The following RBPJ variants were observed in gnomAD, a reference collection of about 807,000 sequenced individuals.
The protein encoded by RBPJ is recombination signal binding protein for immunoglobulin kappa J region.
RBPJ carries 9 observed loss-of-function variants against 67.8 expected under a neutral mutation model. That is an observed-to-expected ratio of 0.13 (90% CI 0.08 to 0.23). The LOEUF (loss-of-function observed/expected upper bound fraction) is 0.23, where lower values mean the gene tolerates loss of function less well. Among genes scored for constraint, RBPJ ranks in the 10% least tolerant of loss-of-function variants. The pLI is 1.00. For missense variants in RBPJ, 305 were observed against 595.6 expected (o/e 0.51, Z 5.08); for synonymous variants, 198 against 203.3 (o/e 0.97, Z 0.22).
At chr4:26,145,028 C>CTT in the RBPJ span, among the ~76,000 whole-genome samples, 2,541 of 146,660 alleles carry the variant, frequency 0.017, 83 homozygotes, top group African/African-American at 0.06. Context: ...TCTTCTTCTT[C>CTT]TTTTTTTTTT....
chr4:26,424,755 CT>C lies in RBPJ; in HGVS notation c.747+16del, dbSNP rs896722739. On this transcript the variant is annotated intron_variant, in intron 7 of 10. Transcript: ENST00000355476. The surrounding 1 kb of genome is among the most constrained non-coding windows in gnomAD (Gnocchi z 5.3). ...CACTCCCAAGATTGGTATGGCTCTA[CT>C]TTTGCTTTAGTGATAATGTGAAGTA... 10 of 1,493,504 alleles carry C rather than the reference CT, an allele frequency of 6.7e-6. No homozygotes were observed. The highest frequency in any genetic ancestry group is 9.2e-6 in the Non-Finnish European group (10 of 1,081,856). The allele number at this position is 1,493,504 out of a possible 1,614,324, so 92.5% of individuals were successfully genotyped here.
chr4:26,322,972 T>A (rs961659395), intron 1 of RBPJ: 2 of 151,478 alleles, frequency 1.3e-5, no homozygotes, highest in African/African-American at 4.9e-5. Flanking sequence ...ATAAAATCAT[T>A]TGGAGTGTCA....
upstream of RBPJ, among the ~76,000 whole-genome samples, chr4:26,159,929 T>TC (rs1418556625): frequency 9.2e-5 from 14 of 152,054 alleles, no homozygotes; most frequent in African/African-American, 3.4e-4. Context: ...CTCTCTTTTT[T>TC]TTTTTTTGAG....
intron 1 of RBPJ, among the ~76,000 whole-genome samples, chr4:26,373,627 T>C (rs555756242): frequency 1.3e-5 from 2 of 152,334 alleles, no homozygotes; most frequent in African/African-American, 4.8e-5. Context: ...TGGAACTCTA[T>C]GTAGATTCAT....
At chr4:26,313,863 T>A (rs1722518486) in intron 1 of RBPJ, among the ~76,000 whole-genome samples, 1 of 152,092 alleles carries the variant, frequency 6.6e-6, no homozygotes, top group Admixed American at 6.6e-5. Context: ...TAAAAATAAT[T>A]CTACTAAAGT....
At chr4:26,372,926 T>A (rs940521464) in intron 1 of RBPJ, among the ~76,000 whole-genome samples, 3 of 152,146 alleles carry the variant, frequency 2.0e-5, no homozygotes, top group Admixed American at 6.6e-5. Flanking sequence ...GTGGGCCTGC[T>A]CTTTTGGTCC....
intron 1 of RBPJ, among the ~76,000 whole-genome samples, chr4:26,213,040 G>A (rs954734604): frequency 6.6e-6 from 1 of 152,100 alleles, no homozygotes; most frequent in African/African-American, 2.4e-5. Context: ...TCTCCTCTTC[G>A]AGCTGCTTAT....
intron 1 of RBPJ, among the ~76,000 whole-genome samples, chr4:26,303,005 AC>A (rs1180446446): frequency 1.3e-5 from 2 of 151,670 alleles, no homozygotes; most frequent in Non-Finnish European, 2.9e-5. Flanking sequence ...ACATAGTCAT[AC>A]CCCGTCTCTA....
At chr4:26,320,667 G>A (rs902655308), upstream of RBPJ, 2 of 1,447,708 alleles carry the variant, frequency 1.4e-6, no homozygotes. Context: ...TCCATTCCTC[G>A]TCCCCGTAGT....
chr4:26,138,492 T>C, the RBPJ span, among the ~76,000 whole-genome samples: 32 of 152,186 alleles, frequency 2.1e-4, no homozygotes, highest in African/African-American at 6.0e-4. Context: ...TCAGAGATGT[T>C]GGCGGAACTA....
chr4:26,290,240 G>A (rs558358407), intron 1 of RBPJ, among the ~76,000 whole-genome samples: 1 of 146,964 alleles, frequency 6.8e-6, no homozygotes, highest in African/African-American at 2.5e-5. Context: ...TTGGAAGACT[G>A]TGACAGGAGG....
chr4:26,295,483 G>A (rs780668445), intron 1 of RBPJ, among the ~76,000 whole-genome samples: 1 of 152,160 alleles, frequency 6.6e-6, no homozygotes, highest in Admixed American at 6.5e-5. Context: ...TTTTTAGGAA[G>A]CAGAAAGTTG....
intron 1 of RBPJ, among the ~76,000 whole-genome samples, chr4:26,210,740 T>TTTCC (rs762222492): frequency 2.9e-5 from 3 of 103,472 alleles, no homozygotes; most frequent in African/African-American, 7.4e-5. Flanking sequence ...TCTTTACTTC[T>TTTCC]TTCCTTCTTT....
At chr4:26,135,942 T>G in the RBPJ span, among the ~76,000 whole-genome samples, 1 of 152,212 alleles carries the variant, frequency 6.6e-6, no homozygotes, top group East Asian at 1.9e-4. Context: ...GTAAAAGGTA[T>G]GTCTATAAAG....
intron 1 of RBPJ, among the ~76,000 whole-genome samples, chr4:26,279,556 G>A (rs1721193199): frequency 1.3e-5 from 2 of 152,168 alleles, no homozygotes; most frequent in Non-Finnish European, 2.9e-5. Context: ...GATTAAAGGC[G>A]TGAGCCACCA....
chr4:26,191,386 T>C (rs10008308), intron 1 of RBPJ, among the ~76,000 whole-genome samples: 226 of 151,390 alleles, frequency 1.5e-3, no homozygotes, highest in African/African-American at 5.3e-3. Flanking sequence ...CAGAGGGTTT[T>C]CTTGTGTCCT....
chr4:26,269,795 G>T (rs1446223323), intron 1 of RBPJ, among the ~76,000 whole-genome samples: 4 of 152,156 alleles, frequency 2.6e-5, no homozygotes, highest in African/African-American at 9.7e-5. Flanking sequence ...GGAGTGAAGG[G>T]GGAGGGAGAG....
At chr4:26,426,844 A>G (rs1311751404) in intron 7 of RBPJ, among the ~76,000 whole-genome samples, 2 of 152,166 alleles carry the variant, frequency 1.3e-5, no homozygotes, top group East Asian at 1.9e-4. Flanking sequence ...GAGCGGAGGG[A>G]GGAGAGGTCA....
intron 1 of RBPJ, among the ~76,000 whole-genome samples, chr4:26,218,643 G>T (rs950569857): frequency 3.3e-5 from 5 of 152,156 alleles, no homozygotes; most frequent in African/African-American, 9.7e-5. Flanking sequence ...ATCCCCAAGG[G>T]CTGGGCCTTT....
Sources: allele counts gnomAD v4.1 joint callset (sites outside exome capture counted in the v4.1 genomes callset), GRCh38; gene constraint gnomAD v4.1.1; non-coding constraint Gnocchi (gnomAD v3.1); transcripts MANE v1.5; gene names NCBI Gene and HGNC (gene_info 2026-07-23, HGNC 2026-07-21).